SLC5A8: variants seen among roughly 807,000 people sequenced by gnomAD.
SLC5A8 encodes sodium-coupled monocarboxylate transporter 1.
A neutral mutation model predicts 71.9 loss-of-function variants in SLC5A8; 55 were observed. The ratio of observed to expected loss-of-function variants is 0.77; its 90% confidence interval spans 0.62 to 0.96. The LOEUF (loss-of-function observed/expected upper bound fraction) is 0.96. Ranked by LOEUF, SLC5A8 falls within the 40% of genes least tolerant of loss-of-function variation. The pLI is 0.00. For synonymous variants in SLC5A8, 307 were observed against 276.1 expected, an observed-to-expected ratio of 1.11 and a Z score of -1.11; for missense variants, 701 against 745.3, an observed-to-expected ratio of 0.94 and a Z score of 0.69.
At chr12:101,195,275 C>G (rs1423016791) in intron 3 of SLC5A8, 113 bp from the exon 4 acceptor site, 3 of 1,084,222 alleles carry the variant, frequency 2.8e-6, no homozygotes, top group Non-Finnish European at 4.1e-6. Flanking sequence ...TTCCTCTATA[C>G]CCACTTGCCT....
At chr12:101,194,792 T>A (rs538081224) in intron 4 of SLC5A8, among the ~76,000 whole-genome samples, 2 of 152,302 alleles carry the variant, frequency 1.3e-5, no homozygotes, top group South Asian at 4.1e-4. Context: ...GATAGGTTTT[T>A]AAGCTGAGGA....
intron 13 of SLC5A8, among the ~76,000 whole-genome samples, chr12:101,158,533 C>T (rs185019294): frequency 6.5e-4 from 91 of 140,734 alleles, no homozygotes; most frequent in African/African-American, 2.3e-3. Flanking sequence ...GAAAGCCTCT[C>T]ACTATAATAA....
chr12:101,166,747 G>A (rs1319549072), intron 11 of SLC5A8, 48 bp from the exon 12 acceptor site: 1 of 1,490,140 alleles, frequency 6.7e-7, no homozygotes, highest in African/African-American at 1.4e-5. Context: ...AATTTGCTTT[G>A]ATGTCAAAAT....
At chr12:101,181,370 A>G (rs1388954698) in intron 9 of SLC5A8, among the ~76,000 whole-genome samples, 1 of 152,218 alleles carries the variant, frequency 6.6e-6, no homozygotes, top group East Asian at 1.9e-4. Context: ...AACACATTCA[A>G]ATCATCTGCC....
At position 101,204,518 on chromosome 12, in the gene SLC5A8, G is replaced by T. The variant is rs1365888248; in HGVS notation, c.399C>A (p.Val133=). 7 of 1,597,048 alleles carry T rather than the reference G, an allele frequency of 4.4e-6. No individual in the cohort carries two copies. The highest frequency in any genetic ancestry group is 1.4e-5 in the African/African-American group (1 of 73,668). Residue 133 remains valine, a synonymous_variant, in exon 2 of 15, where the codon GTC becomes GTA. Transcript: ENST00000536262. ...TACTTACTGTTTGAACAATGAAGAG[G>T]ACTGTTCCACAGAGACGAACACATT... The part of the protein sequence containing the change: ...FNKCVRLCGT[V]LFIVQTILYT...
chr12:101,200,941 T>C (rs1869434261), intron 3 of SLC5A8, among the ~76,000 whole-genome samples: 2 of 152,214 alleles, frequency 1.3e-5, no homozygotes, highest in Admixed American at 1.3e-4. Flanking sequence ...CTAAGTTCTG[T>C]GTCTATGCCT....
chr12:101,209,510 G>A lies in SLC5A8; in HGVS notation c.339C>T (p.Thr113=), dbSNP rs1869825019. 1 of 1,604,616 alleles carries A rather than the reference G, an allele frequency of 6.2e-7. No homozygotes were observed. ...CCCTGCCCCTTACCTCGTAGGTGCT[G>A]GTAATTCCCAGTTTGTAGAACACCG... ...FLPVFYKLGI[T]STYEYLELRF... The change falls in exon 1 of 15, where the codon ACC becomes ACT. Residue 113 remains threonine, a synonymous_variant. Transcript: ENST00000536262.
At chr12:101,206,849 T>C (rs1323520820) in intron 1 of SLC5A8, among the ~76,000 whole-genome samples, 2 of 152,208 alleles carry the variant, frequency 1.3e-5, no homozygotes, top group Non-Finnish European at 2.9e-5. Context: ...GATTCCTGCA[T>C]TATACTTGGG....
intron 10 of SLC5A8, among the ~76,000 whole-genome samples, chr12:101,173,427 T>C (rs1291626214): frequency 6.6e-6 from 1 of 152,194 alleles, no homozygotes; most frequent in Non-Finnish European, 1.5e-5. Context: ...AAGTGATGAC[T>C]GGTGACACCT....
chr12:101,209,384 G>A lies in SLC5A8; in HGVS notation c.351+114C>T, dbSNP rs1290944829. ...AGGGAGGGTGATGATGACGATGGACGGGGAGAGATTTCGATGTGGCAGTGA... is the reference window on the plus strand; with the variant it reads ...AGGGAGGGTGATGATGACGATGGACAGGGAGAGATTTCGATGTGGCAGTGA... On this transcript the variant is annotated intron_variant, in intron 1 of 14. Transcript: ENST00000536262. 16 of 746,358 alleles carry A rather than the reference G, an allele frequency of 2.1e-5. No individual in the cohort carries two copies. In the South Asian group the frequency reaches 2.4e-4, roughly 11 times the overall value. 46.2% of individuals were successfully genotyped at this position (746,358 alleles called of 1,614,324 possible).
In SLC5A8 at chr12:101,166,545, G is replaced by A. The variant is rs376330928; in HGVS notation, c.1475C>T (p.Thr492Ile). The change falls in exon 12 of 15, where the codon ACC becomes ATC. Residue 492 changes from threonine (T) to isoleucine (I), a missense_variant. By Grantham distance (89) the Thr-to-Ile change is moderately conservative. Coordinates refer to ENST00000536262, the MANE Select transcript of SLC5A8 (RefSeq NM_145913.5). ...STYNETNLMT[T>I]TEMPFTTSVF... ...ACTAGTAGTAAATGGCATTTCTGTG[G>A]TTGTCATCAAATTTGTCTCATTGTA... 6.2e-7 allele frequency: 1 copy of A among 1,613,860 alleles called. No individual in the cohort carries two copies. Among genetic ancestry groups the A allele is most frequent in the Non-Finnish European group, 8.5e-7 (1 of 1,179,926 alleles).
intron 10 of SLC5A8, among the ~76,000 whole-genome samples, chr12:101,171,647 A>G (rs2051830824): frequency 6.6e-6 from 1 of 152,096 alleles, no homozygotes; most frequent in South Asian, 2.1e-4. Flanking sequence ...TTTGGGGCAG[A>G]CTCGCCAATG....
intron 1 of SLC5A8, 119 bp downstream of exon 1, chr12:101,209,379 T>C: frequency 1.4e-6 from 1 of 731,038 alleles, no homozygotes. Flanking sequence ...ATGATGACGA[T>C]GGACGGGGAG....
intron 10 of SLC5A8, among the ~76,000 whole-genome samples, chr12:101,170,494 A>G (rs547515741): frequency 2.0e-5 from 3 of 152,260 alleles, no homozygotes; most frequent in South Asian, 2.1e-4. Context: ...TTTTTGCTTC[A>G]TGTATCCCAG....
At chr12:101,193,510 A>G (rs1243034531) in intron 5 of SLC5A8, 115 bp downstream of exon 5, 3 of 1,252,484 alleles carry the variant, frequency 2.4e-6, no homozygotes, top group Non-Finnish European at 3.3e-6. Context: ...TTGCTCTACC[A>G]CATCCTTAGC....
chr12:101,201,189 GT>G (rs1479739877), intron 3 of SLC5A8, among the ~76,000 whole-genome samples: 1 of 152,186 alleles, frequency 6.6e-6, no homozygotes, highest in African/African-American at 2.4e-5. Flanking sequence ...TTATAACTCA[GT>G]TCTCGACAAA....
chr12:101,157,684 A>C (rs1256590078), intron 14 of SLC5A8, among the ~76,000 whole-genome samples: 1 of 152,150 alleles, frequency 6.6e-6, no homozygotes, highest in Non-Finnish European at 1.5e-5. Flanking sequence ...TAACAGATAT[A>C]AGTTATCAGA....
Position 101,156,219 on chromosome 12 carries a change from A to G in SLC5A8, c.*1060T>C, listed in dbSNP as rs908900971. ...AATATACCGAAATTTCAAAATTTCT[A>G]GGCATATGTATCTTTAATTGATTGC... On this transcript the variant is annotated 3_prime_UTR_variant, in exon 15 of 15. Transcript: ENST00000536262. 6.6e-6 allele frequency: 1 copy of G among 152,206 alleles called. No individual in the cohort carries two copies. The highest frequency in any genetic ancestry group is 1.5e-5 in the Non-Finnish European group (1 of 68,030). 9.4% of individuals were successfully genotyped at this position (152,206 alleles called of 1,614,324 possible).
At chr12:101,178,147 T>C (rs1353481828) in intron 10 of SLC5A8, among the ~76,000 whole-genome samples, 2 of 152,136 alleles carry the variant, frequency 1.3e-5, no homozygotes, top group East Asian at 3.8e-4. Flanking sequence ...AAAATACGAT[T>C]TGCATAGAAA....
Sources: allele counts gnomAD v4.1 joint callset (sites outside exome capture counted in the v4.1 genomes callset), GRCh38; gene constraint gnomAD v4.1.1; transcripts MANE v1.5; gene names NCBI Gene and HGNC (gene_info 2026-07-23, HGNC 2026-07-21).